PLEKHA6: variants seen among roughly 807,000 people sequenced by gnomAD.
PLEKHA6 encodes the protein pleckstrin homology domain containing A6.
A neutral mutation model predicts 116.7 loss-of-function variants in PLEKHA6; 60 were observed. That is an observed-to-expected ratio of 0.51 (90% CI 0.42 to 0.64). PLEKHA6 has a LOEUF of 0.64. Among genes scored for constraint, PLEKHA6 ranks in the 30% least tolerant of loss-of-function variants. The probability of loss-of-function intolerance (pLI) is 0.00; values close to 1 mark genes in which losing one functional copy is unlikely to be tolerated. For synonymous variants in PLEKHA6, 489 were observed against 556.1 expected (o/e 0.88, Z 1.70); for missense variants, 1,338 against 1,422.7 (o/e 0.94, Z 0.96).
At chr1:204,295,937 T>C (rs1670233483) in intron 1 of PLEKHA6, among the ~76,000 whole-genome samples, 1 of 151,876 alleles carries the variant, frequency 6.6e-6, no homozygotes, top group Admixed American at 6.5e-5. Context: ...CTCAAGAAGC[T>C]CCAAACCGCA....
chr1:204,313,474 C>G, intron 1 of PLEKHA6: 1 of 706,100 alleles, frequency 1.4e-6, no homozygotes, highest in Non-Finnish European at 1.7e-6. Flanking sequence ...GATGACCTCC[C>G]CATTTCTCAA....
intron 12 of PLEKHA6, among the ~76,000 whole-genome samples, chr1:204,247,948 G>T (rs1017786660): frequency 1.3e-5 from 1 of 78,518 alleles, no homozygotes; most frequent in Non-Finnish European, 2.4e-5. Flanking sequence ...GTGAGACCCT[G>T]TTCTTAAAAA....
intron 3 of PLEKHA6, among the ~76,000 whole-genome samples, chr1:204,268,702 T>C (rs902198463): frequency 9.2e-5 from 14 of 151,374 alleles, no homozygotes; most frequent in African/African-American, 3.4e-4. Context: ...CCCTGCATCC[T>C]CCTGCTCTGG....
intron 21 of PLEKHA6, among the ~76,000 whole-genome samples, chr1:204,225,568 C>G (rs575989787): frequency 3.3e-5 from 5 of 152,302 alleles, no homozygotes; most frequent in African/African-American, 9.6e-5. Context: ...ACAACATATA[C>G]ACAAATATGC....
intron 9 of PLEKHA6, among the ~76,000 whole-genome samples, chr1:204,251,221 C>T (rs1269893783): frequency 6.6e-6 from 1 of 152,186 alleles, no homozygotes; most frequent in Non-Finnish European, 1.5e-5. Flanking sequence ...ACCCCAGTGA[C>T]GTCTGTCAAG....
chr1:204,284,896 C>G (rs1402593743), intron 1 of PLEKHA6, among the ~76,000 whole-genome samples: 1 of 152,138 alleles, frequency 6.6e-6, no homozygotes, highest in Non-Finnish European at 1.5e-5. Flanking sequence ...AGAAGAATGC[C>G]TGGCACATTG....
At chr1:204,342,017 C>T (rs928845556) in intron 1 of PLEKHA6, among the ~76,000 whole-genome samples, 2 of 151,992 alleles carry the variant, frequency 1.3e-5, no homozygotes, top group Non-Finnish European at 2.9e-5. Flanking sequence ...GAAACCCCAT[C>T]TCTATTAAAA....
intron 1 of PLEKHA6, among the ~76,000 whole-genome samples, chr1:204,346,479 A>G (rs1168931883): frequency 6.6e-6 from 1 of 152,152 alleles, no homozygotes; most frequent in Non-Finnish European, 1.5e-5. Context: ...AAGCCATGAC[A>G]AAGTGGAGTC....
chr1:204,251,750 C>T, intron 9 of PLEKHA6: 1 of 605,266 alleles, frequency 1.7e-6, no homozygotes, highest in Non-Finnish European at 3.0e-6. Flanking sequence ...ACTCCTTGCT[C>T]ACCCCTAGTG....
chr1:204,335,329 A>G (rs1272359180), intron 1 of PLEKHA6, among the ~76,000 whole-genome samples: 1 of 152,018 alleles, frequency 6.6e-6, no homozygotes, highest in Non-Finnish European at 1.5e-5. Flanking sequence ...TCAGCCCAGC[A>G]CTGCAGACAA....
intron 6 of PLEKHA6, among the ~76,000 whole-genome samples, chr1:204,262,345 C>G (rs1666232164): frequency 6.6e-6 from 1 of 152,178 alleles, no homozygotes; most frequent in Admixed American, 6.5e-5. Flanking sequence ...TGGTTTTGCT[C>G]TGGTCTTCAC....
chr1:204,347,747 G>A (rs551695677), intron 1 of PLEKHA6, among the ~76,000 whole-genome samples: 7 of 152,232 alleles, frequency 4.6e-5, no homozygotes, highest in African/African-American at 7.2e-5. Flanking sequence ...CGGTCCCTCC[G>A]TTTTGGGTCC....
intron 1 of PLEKHA6, among the ~76,000 whole-genome samples, chr1:204,338,812 C>T (rs1024592980): frequency 3.9e-5 from 6 of 152,184 alleles, no homozygotes; most frequent in Admixed American, 3.3e-4. Context: ...GAGGGACTCT[C>T]GCATGGCCTC....
chr1:204,262,457 A>T (rs984084292), intron 6 of PLEKHA6, among the ~76,000 whole-genome samples: 12 of 152,200 alleles, frequency 7.9e-5, no homozygotes, highest in Admixed American at 7.9e-4. Flanking sequence ...CTGGGACCTC[A>T]GCACACTTCC....
At chr1:204,361,956 G>A (rs1016270832), upstream of PLEKHA6, among the ~76,000 whole-genome samples, 3 of 152,358 alleles carry the variant, frequency 2.0e-5, no homozygotes, top group South Asian at 4.1e-4. Context: ...CAACAGATGG[G>A]CCTGCTGGGC....
Position 204,319,879 on chromosome 1 carries a change from G to T in PLEKHA6, c.-95+39815C>A, listed in dbSNP as rs543919516. On this transcript the variant is annotated intron_variant, in intron 1 of 22. Coordinates refer to ENST00000272203, the MANE Select transcript of PLEKHA6 (RefSeq NM_014935.5). ...GCGGGCAGGGATGAGGAGGGAGGGAGGAAGAGTGGGTGAGTGGGTACCAGG... is the reference window on the plus strand; with the variant it reads ...GCGGGCAGGGATGAGGAGGGAGGGATGAAGAGTGGGTGAGTGGGTACCAGG... Among the ~76,000 whole-genome samples the T allele has an allele frequency of 1.8e-4, 28 of 152,278 alleles. No individual in the cohort carries two copies. In the South Asian group the frequency reaches 5.8e-3, roughly 32 times the overall value.
intron 17 of PLEKHA6, among the ~76,000 whole-genome samples, chr1:204,230,940 T>A (rs6683172): frequency 0.52 from 78,468 of 151,994 alleles, 20,891 homozygotes; most frequent in African/African-American, 0.66. Flanking sequence ...ACCAGAAGTT[T>A]GGAGAGAAAC....
chr1:204,248,687 T>C lies in PLEKHA6; in HGVS notation c.1824+134A>G, dbSNP rs921568078. The C allele has an allele frequency of 8.6e-6, 6 of 697,880 alleles. No homozygotes were observed. In the Admixed American group the frequency reaches 1.1e-4, roughly 13 times the overall value. The allele number at this position is 697,880 out of a possible 1,614,324, so 43.2% of individuals were successfully genotyped here. A position where few individuals can be genotyped will look rare whatever the true frequency, so the allele number is the denominator to read the frequency against. ...AGGGCAATATTGAGGTCTTTGTTTA[T>C]GCCCCTCTGCACGGGAGTACTCAGC... is the stretch of plus-strand genomic sequence containing the variant. On this transcript the variant is annotated intron_variant, in intron 12 of 22. Coordinates refer to ENST00000272203, the MANE Select transcript of PLEKHA6 (RefSeq NM_014935.5).
intron 17 of PLEKHA6, among the ~76,000 whole-genome samples, chr1:204,237,769 A>C (rs1284113026): frequency 6.6e-6 from 1 of 152,244 alleles, no homozygotes; most frequent in African/African-American, 2.4e-5. Context: ...GCTTTGTGTG[A>C]TAATCTTATT....
Sources: gnomAD v4.1 joint callset for allele counts (sites outside exome capture counted in the v4.1 genomes callset) on GRCh38, gnomAD v4.1.1 for gene constraint, MANE v1.5 for transcripts, NCBI Gene and HGNC (gene_info 2026-07-23, HGNC 2026-07-21) for gene names.